The following SLC2A13 variants were observed in gnomAD, a reference collection of about 807,000 sequenced individuals.
SLC2A13 encodes the protein proton myo-inositol cotransporter.
In SLC2A13, 32 loss-of-function variants were observed where a neutral mutation model predicts 64.4. The observed-to-expected ratio is 0.50, with a 90% CI of 0.37 to 0.67. The LOEUF is 0.67. Ranked by LOEUF, SLC2A13 falls within the 30% of genes least tolerant of loss-of-function variation. The pLI, the probability that SLC2A13 is intolerant of heterozygous loss-of-function variation, is 0.00. For synonymous variants in SLC2A13, 338 were observed against 327.1 expected (o/e 1.03, Z -0.36); for missense variants, 743 against 829.2 (o/e 0.90, Z 1.28).
intron 7 of SLC2A13, among the ~76,000 whole-genome samples, chr12:39,788,417 G>A (rs777168690): frequency 1.2e-4 from 19 of 152,116 alleles, no homozygotes; most frequent in Non-Finnish European, 2.4e-4. Context: ...AATGATTAAG[G>A]TGCAGCTAGC....
intron 1 of SLC2A13, among the ~76,000 whole-genome samples, chr12:40,080,188 C>T (rs1938341206): frequency 1.5e-5 from 1 of 65,550 alleles, no homozygotes; most frequent in African/African-American, 7.0e-5. Context: ...CCATTGATGG[C>T]TTAAAGTCTA....
At chr12:40,050,840 C>T (rs960022366) in intron 1 of SLC2A13, among the ~76,000 whole-genome samples, 2 of 152,132 alleles carry the variant, frequency 1.3e-5, no homozygotes, top group Non-Finnish European at 2.9e-5. Context: ...GGACAACTTA[C>T]TTGACTTTTC....
At chr12:39,991,973 T>TC (rs1947145982) in intron 3 of SLC2A13, among the ~76,000 whole-genome samples, 1 of 152,178 alleles carries the variant, frequency 6.6e-6, no homozygotes, top group African/African-American at 2.4e-5. Flanking sequence ...CAATTATGCT[T>TC]AAGATCTCAG....
chr12:39,862,244 C>T (rs1180005674), intron 6 of SLC2A13, among the ~76,000 whole-genome samples: 1 of 152,182 alleles, frequency 6.6e-6, no homozygotes, highest in African/African-American at 2.4e-5. Flanking sequence ...TCTTGAATCT[C>T]AAGTCATTAG....
intron 4 of SLC2A13, among the ~76,000 whole-genome samples, chr12:39,896,255 TGTATATGTGTGTATATATGTATAC>T (rs1944850291): frequency 1.0e-5 from 1 of 99,052 alleles, no homozygotes; most frequent in Non-Finnish European, 2.3e-5. Flanking sequence ...TATACATGTA[TGTATATGTGTGTATATATGTATAC>T]ATGTATGTAT....
intron 3 of SLC2A13, among the ~76,000 whole-genome samples, chr12:39,964,679 A>G (rs1946475801): frequency 6.6e-6 from 1 of 152,242 alleles, no homozygotes; most frequent in South Asian, 2.1e-4. Flanking sequence ...GGGTTGGTGC[A>G]CAGGGTCCTG....
chr12:39,885,425 T>C (rs1944443742), intron 4 of SLC2A13, among the ~76,000 whole-genome samples: 1 of 152,170 alleles, frequency 6.6e-6, no homozygotes, highest in African/African-American at 2.4e-5. Context: ...AGAGAATCTC[T>C]GTACCAAATA....
intron 6 of SLC2A13, 147 bp from the exon 7 acceptor site, chr12:39,830,375 T>C (rs1942818916): frequency 7.1e-7 from 1 of 1,415,228 alleles, no homozygotes; most frequent in Non-Finnish European, 9.2e-7. Flanking sequence ...GAAAGTGACA[T>C]GCGCTGAGCC....
chr12:39,901,507 C>T (rs1945107643), intron 4 of SLC2A13, among the ~76,000 whole-genome samples: 1 of 137,200 alleles, frequency 7.3e-6, no homozygotes, highest in Non-Finnish European at 1.6e-5. Flanking sequence ...AAAAAACAAA[C>T]AACCCCATCA....
intron 2 of SLC2A13, among the ~76,000 whole-genome samples, chr12:40,040,791 T>C (rs1948074066): frequency 6.6e-6 from 1 of 152,216 alleles, no homozygotes; most frequent in Non-Finnish European, 1.5e-5. Flanking sequence ...ATTTTTAAGA[T>C]AGTGATTGAC....
At chr12:40,071,857 C>G (rs1021733374) in intron 1 of SLC2A13, among the ~76,000 whole-genome samples, 5 of 152,038 alleles carry the variant, frequency 3.3e-5, no homozygotes, top group Admixed American at 6.6e-5. Context: ...CTTACTTTAC[C>G]TTTTCAAATA....
At chr12:39,913,722 G>A (rs763634621) in intron 4 of SLC2A13, among the ~76,000 whole-genome samples, 32 of 151,700 alleles carry the variant, frequency 2.1e-4, no homozygotes, top group Non-Finnish European at 3.7e-4. Context: ...ACATACATGT[G>A]ATATGTAACT....
chr12:40,091,441 C>T (rs1938764228), intron 1 of SLC2A13, among the ~76,000 whole-genome samples: 1 of 152,158 alleles, frequency 6.6e-6, no homozygotes, highest in South Asian at 2.1e-4. Flanking sequence ...AAGCTTATTG[C>T]TAGACTTTTT....
In SLC2A13 at chr12:39,829,392, C is replaced by CTTTTTTTTTTTTTTTTTT. The variant is rs1202354539; in HGVS notation, c.1445+693_1445+710dup. The CTTTTTTTTTTTTTTTTTT allele has an allele frequency of 3.8e-4, 25 of 65,798 alleles. 6 individuals carry two copies. Among genetic ancestry groups the CTTTTTTTTTTTTTTTTTT allele is most frequent in the South Asian group, 1.2e-3 (2 of 1,634 alleles). 4.1% of individuals were successfully genotyped at this position (65,798 alleles called of 1,614,324 possible). On this transcript the variant is annotated intron_variant, in intron 7 of 9. Transcript: ENST00000280871. ...AAAAGAATGTAATGTGATAGTAATT[C>CTTTTTTTTTTTTTTTTTT]TTTTTTTTTTTTTTTTTTTTTTTCT... is the stretch of plus-strand genomic sequence containing the variant.
chr12:39,984,968 T>C (rs1156524524), intron 3 of SLC2A13, among the ~76,000 whole-genome samples: 2 of 152,152 alleles, frequency 1.3e-5, no homozygotes, highest in East Asian at 1.9e-4. Context: ...ATGATTTTTA[T>C]GCCCCATAAA....
chr12:39,910,104 G>C (rs1945393724), intron 4 of SLC2A13, among the ~76,000 whole-genome samples: 1 of 151,998 alleles, frequency 6.6e-6, no homozygotes, highest in South Asian at 2.1e-4. Flanking sequence ...CCTGTCCCCT[G>C]CTTCCTCGTG....
At chr12:39,899,661 A>G (rs1945031323) in intron 4 of SLC2A13, among the ~76,000 whole-genome samples, 1 of 151,906 alleles carries the variant, frequency 6.6e-6, no homozygotes, top group Admixed American at 6.6e-5. Context: ...AATGTGTCCC[A>G]GAGATTCTGG....
chr12:39,951,601 G>C (rs537817846), intron 3 of SLC2A13, among the ~76,000 whole-genome samples: 3 of 152,252 alleles, frequency 2.0e-5, no homozygotes, highest in Admixed American at 1.3e-4. Flanking sequence ...GATAATTTAA[G>C]TTTAAGCAAT....
chr12:39,978,639 C>A (rs509942), intron 3 of SLC2A13, among the ~76,000 whole-genome samples: 143,498 of 152,094 alleles, frequency 0.94, 67,782 homozygotes, highest in African/African-American at 0.98. Flanking sequence ...GCGCACCACG[C>A]GACAATATCC....
Sources: allele counts gnomAD v4.1 joint callset (sites outside exome capture counted in the v4.1 genomes callset), GRCh38; gene constraint gnomAD v4.1.1; transcripts MANE v1.5; gene names NCBI Gene and HGNC (gene_info 2026-07-23, HGNC 2026-07-21).